Variants in PTK7 observed in about 807,000 individuals in gnomAD.
PTK7 encodes inactive tyrosine-protein kinase 7.
Under a neutral mutation model 116.6 loss-of-function variants are expected in PTK7, and 39 were observed. The ratio of observed to expected loss-of-function variants is 0.33; its 90% CI spans 0.26 to 0.44. The LOEUF is 0.44. PTK7 is among the 20% of genes least tolerant of loss of function. The probability of loss-of-function intolerance (pLI) is 1.00; values close to 1 mark genes in which losing one functional copy is unlikely to be tolerated. For missense variants in PTK7, 1,169 were observed against 1,425.6 expected (o/e 0.82, Z 2.90); for synonymous variants, 546 against 563.6 (o/e 0.97, Z 0.44).
intron 1 of PTK7, among the ~76,000 whole-genome samples, chr6:43,079,243 G>A (rs991971336): frequency 3.9e-5 from 6 of 151,986 alleles, no homozygotes; most frequent in East Asian, 1.9e-4. Context: ...CGAGGCGGGC[G>A]GATCATGAGG....
rs145744454 is a variant in PTK7, at chr6:43,126,339, T to C, written c.80-2638T>C. Among the ~76,000 whole-genome samples, 558 of 151,550 alleles carry C rather than the reference T, an allele frequency of 3.7e-3. 5 individuals are homozygous for C. The highest frequency in any genetic ancestry group is 0.013 in the African/African-American group (544 of 41,312). ...ACTCCGTCTCAAAAAAAAAGAAAGG[T>C]CCTAGGATTTTGGTGAGTCACATTT... On this transcript the variant is annotated intron_variant, in intron 1 of 19. Coordinates refer to ENST00000230419, the MANE Select transcript of PTK7 (RefSeq NM_002821.5).
intron 1 of PTK7, among the ~76,000 whole-genome samples, chr6:43,103,433 C>G (rs1212831409): frequency 6.6e-6 from 1 of 151,162 alleles, no homozygotes; most frequent in Non-Finnish European, 1.5e-5. Context: ...ACTCCCTTGT[C>G]ATAGCAGTGC....
At chr6:43,077,192 C>T (rs765960929) in intron 1 of PTK7, among the ~76,000 whole-genome samples, 1 of 152,360 alleles carries the variant, frequency 6.6e-6, no homozygotes, top group Admixed American at 6.5e-5. Context: ...AGCTACTGGT[C>T]TGGAACCCTG....
In PTK7 at chr6:43,141,276, G is replaced by A. The variant is rs930541055; in HGVS notation, c.1619-392G>A. ...GTTGTAGATTCTGAGGAGGAAGTAG[G>A]CTCCCTCTGCTCAGGTCTGGGGGAA... On this transcript the variant is annotated intron_variant, in intron 10 of 19. Coordinates refer to ENST00000230419, the MANE Select transcript of PTK7 (RefSeq NM_002821.5). The surrounding 1 kb of genome is among the most constrained non-coding windows in gnomAD (Gnocchi z 4.9). 2.0e-5 allele frequency among the ~76,000 whole-genome samples: 3 copies of A among 152,154 alleles called. No homozygotes were observed. Among genetic ancestry groups the A allele is most frequent in the Admixed American group, 1.3e-4 (2 of 15,264 alleles).
chr6:43,142,289 C>T lies in PTK7; in HGVS notation c.2037C>T (p.Leu679=), dbSNP rs754412124. 1.1e-5 allele frequency: 17 copies of T among 1,614,048 alleles called. No individual in the cohort carries two copies. In the African/African-American group the frequency reaches 2.1e-4, roughly 20 times the overall value. Residue 679 remains leucine (L), a synonymous_variant, in exon 13 of 20, where the codon CTC becomes CTT. Transcript: ENST00000230419. ...ACATCAAGCACACGGAGGCCCCCCT[C>T]TATGTCGTGGGTATGGGCTGGGGAG... ...SCNIKHTEAP[L]YVVDKPVPEE... is the part of the protein sequence containing the mutation.
intron 1 of PTK7, among the ~76,000 whole-genome samples, chr6:43,105,057 C>T (rs906966695): frequency 2.6e-5 from 4 of 151,168 alleles, no homozygotes; most frequent in Admixed American, 6.6e-5. Context: ...GTGATCCACC[C>T]GCCACAGCCT....
rs139041676 is a variant in PTK7, at chr6:43,143,612, G to A, written c.2243G>A (p.Cys748Tyr). The A allele has an allele frequency of 4.0e-5, 64 of 1,611,648 alleles. No individual in the cohort carries two copies. In the African/African-American group the frequency reaches 6.0e-4, roughly 15 times the overall value. Residue 748 changes from cysteine to tyrosine, a missense_variant, in exon 14 of 20, where the codon TGC becomes TAC. This residue lies in a region of PTK7 where 678 missense variants were observed against 853.8 expected (regional missense o/e 0.79). Coordinates refer to ENST00000230419, the MANE Select transcript of PTK7 (RefSeq NM_002821.5). The surrounding 1 kb of genome is among the most constrained non-coding windows in gnomAD (Gnocchi z 4.2). Reference sequence around the variant, plus strand: ...GAGGGCGAGGAGCCAGAGATGGAATGCCTCAACGGTGAGGGGCCCTGGACG... The same window carrying A: ...GAGGGCGAGGAGCCAGAGATGGAATACCTCAACGGTGAGGGGCCCTGGACG... ...QPEGEEPEME[C>Y]LNGGPLQNGQ...
intron 1 of PTK7, among the ~76,000 whole-genome samples, chr6:43,095,197 TA>T (rs34914497): frequency 0.3 from 26,275 of 88,960 alleles, 2,909 homozygotes; most frequent in Middle Eastern, 0.32. Flanking sequence ...CAGTCTCTAC[TA>T]AAAAAAAAAA....
At chr6:43,077,064 ACCCGACGTTCCCGGCTTC>A in intron 1 of PTK7, 1 of 1,285,192 alleles carries the variant, frequency 7.8e-7, no homozygotes, top group Non-Finnish European at 9.9e-7. Context: ...ACCTACGCCG[ACCCGACGTTCCCGGCTTC>A]CCTCCTCCGA....
chr6:43,126,885 C>T (rs1406336839), intron 1 of PTK7, among the ~76,000 whole-genome samples: 3 of 152,196 alleles, frequency 2.0e-5, no homozygotes, highest in Admixed American at 6.5e-5. Flanking sequence ...ATCAGTGCCA[C>T]GCTGAGAAGT....
intron 1 of PTK7, among the ~76,000 whole-genome samples, chr6:43,078,851 G>C (rs147281154): frequency 0.022 from 3,342 of 152,248 alleles, 56 homozygotes; most frequent in Non-Finnish European, 0.034. Flanking sequence ...CCCCCTCCCT[G>C]GTTTCTTTCC....
At chr6:43,142,580 G>A in intron 13 of PTK7, 1 of 519,930 alleles carries the variant, frequency 1.9e-6, no homozygotes, top group Non-Finnish European at 3.6e-6. Flanking sequence ...TCCTGCAGCA[G>A]CCACACATAT....
rs778507407 is a variant in PTK7, at chr6:43,132,497, C to T, written c.1038C>T (p.Pro346=). The T allele has an allele frequency of 2.5e-6, 4 of 1,610,456 alleles. No individual in the cohort carries two copies. Among genetic ancestry groups the T allele is most frequent in the South Asian group, 2.2e-5 (2 of 90,884 alleles). ...GSEERVTCLP[P]KGLPEPSVWW... ...AGGAGCGTGTGACCTGCCTTCCCCC[C>T]AAGGGTCTGCCAGAGCCCAGCGTGT... Residue 346 remains proline (P), a synonymous_variant, in exon 7 of 20, where the codon CCC becomes CCT. Coordinates refer to ENST00000230419, the MANE Select transcript of PTK7 (RefSeq NM_002821.5).
At chr6:43,081,131 C>T (rs1199235270) in intron 1 of PTK7, among the ~76,000 whole-genome samples, 1 of 152,192 alleles carries the variant, frequency 6.6e-6, no homozygotes, top group African/African-American at 2.4e-5. Context: ...TTTCTCCCAC[C>T]TTTCTTTCCT....
chr6:43,086,884 A>G (rs920419492), intron 1 of PTK7, among the ~76,000 whole-genome samples: 3 of 152,112 alleles, frequency 2.0e-5, no homozygotes, highest in Non-Finnish European at 4.4e-5. Flanking sequence ...CCCTTCCTCC[A>G]GGTAGATGCA....
intron 17 of PTK7, among the ~76,000 whole-genome samples, chr6:43,157,340 AT>A (rs1771503932): frequency 2.7e-4 from 1 of 3,652 alleles, no homozygotes; most frequent in African/African-American, 9.6e-4. Flanking sequence ...ATATATATAT[AT>A]ATATATATAT....
At chr6:43,114,108 G>A (rs1768356191) in intron 1 of PTK7, among the ~76,000 whole-genome samples, 1 of 152,212 alleles carries the variant, frequency 6.6e-6, no homozygotes, top group Non-Finnish European at 1.5e-5. Flanking sequence ...GGACAGACCT[G>A]CCAGGGGCAG....
chr6:43,157,962 G>T (rs761027071), intron 17 of PTK7, among the ~76,000 whole-genome samples: 1 of 152,004 alleles, frequency 6.6e-6, no homozygotes, highest in Non-Finnish European at 1.5e-5. Flanking sequence ...CCAATCTCAG[G>T]TGATCCACCT....
intron 1 of PTK7, among the ~76,000 whole-genome samples, chr6:43,116,651 T>TGTGCGC (rs1323606377): frequency 9.1e-5 from 7 of 77,278 alleles, no homozygotes; most frequent in African/African-American, 3.9e-4. Context: ...TGTGTGTGTG[T>TGTGCGC]GCGCGCGCAC....
Sources: allele counts gnomAD v4.1 joint callset (sites outside exome capture counted in the v4.1 genomes callset), GRCh38; gene constraint gnomAD v4.1.1; regional missense constraint gnomAD v4.1.1; non-coding constraint Gnocchi (gnomAD v3.1); transcripts MANE v1.5; gene names NCBI Gene and HGNC (gene_info 2026-07-23, HGNC 2026-07-21).